Variants in CADM2 observed in about 807,000 individuals in gnomAD.
CADM2 encodes the protein cell adhesion molecule 2, also known as immunoglobulin superfamily member 4D.
In CADM2, 12 loss-of-function variants were observed where a neutral mutation model predicts 49.8. That is an observed-to-expected ratio of 0.24 (90% CI 0.15 to 0.39). The LOEUF is 0.39. CADM2 is among the 10% of genes least tolerant of loss of function. CADM2 has a pLI of 1.00. For synonymous variants in CADM2, 214 were observed against 175.4 expected (o/e 1.22, Z -1.74); for missense variants, 378 against 492.3 (o/e 0.77, Z 2.20).
At chr3:85,076,303 TTGTGTGTG>T (rs71108205) in intron 1 of CADM2, among the ~76,000 whole-genome samples, 71 of 139,354 alleles carry the variant, frequency 5.1e-4, no homozygotes, top group Middle Eastern at 3.6e-3. Flanking sequence ...AAAAAAGAAA[TTGTGTGTG>T]TGTGTGTGTG....
At chr3:85,590,818 A>C (rs2063085825) in intron 1 of CADM2, among the ~76,000 whole-genome samples, 1 of 152,024 alleles carries the variant, frequency 6.6e-6, no homozygotes, top group African/African-American at 2.4e-5. Flanking sequence ...AATAATGTTA[A>C]TAGAAATATC....
chr3:86,026,801 T>C (rs1015581432), intron 8 of CADM2, among the ~76,000 whole-genome samples: 1 of 152,222 alleles, frequency 6.6e-6, no homozygotes, highest in Non-Finnish European at 1.5e-5. Context: ...AGATGATTAC[T>C]TTATCCCCAG....
chr3:85,961,030 CAT>C (rs1209307051), intron 7 of CADM2, among the ~76,000 whole-genome samples: 6 of 145,566 alleles, frequency 4.1e-5, no homozygotes, highest in African/African-American at 1.2e-4. Context: ...TATTTATACT[CAT>C]ATTTTATATA....
intron 1 of CADM2, among the ~76,000 whole-genome samples, chr3:84,968,036 T>C (rs910571925): frequency 2.6e-5 from 4 of 152,118 alleles, no homozygotes; most frequent in African/African-American, 9.6e-5. Flanking sequence ...AAATCAGTTC[T>C]CATACTTAAC....
At chr3:85,760,053 G>A (rs2069299563) in intron 2 of CADM2, among the ~76,000 whole-genome samples, 1 of 151,996 alleles carries the variant, frequency 6.6e-6, no homozygotes, top group Admixed American at 6.6e-5. Flanking sequence ...GTATTAGAAG[G>A]ACCTTTTGTG....
At chr3:85,265,201 G>A (rs2043096244) in intron 1 of CADM2, among the ~76,000 whole-genome samples, 2 of 151,888 alleles carry the variant, frequency 1.3e-5, no homozygotes, top group African/African-American at 4.8e-5. Flanking sequence ...CTTTAGATCT[G>A]TTGCTTTATT....
At chr3:85,449,052 A>AAAAAATAATAAT (rs71617939) in intron 1 of CADM2, among the ~76,000 whole-genome samples, 5,385 of 107,292 alleles carry the variant, frequency 0.05, 177 homozygotes, top group Non-Finnish European at 0.076. Flanking sequence ...TCCAACTCAA[A>AAAAAATAATAAT]AATAATAATA....
chr3:85,988,585 T>C (rs1455005826), intron 8 of CADM2, among the ~76,000 whole-genome samples: 1 of 152,148 alleles, frequency 6.6e-6, no homozygotes, highest in Non-Finnish European at 1.5e-5. Context: ...AACGTGTAGC[T>C]GTGTCACAGT....
chr3:85,855,670 A>G (rs1458981629), intron 3 of CADM2, among the ~76,000 whole-genome samples: 2 of 148,620 alleles, frequency 1.3e-5, no homozygotes, highest in South Asian at 2.1e-4. Context: ...ACTGTTGCCT[A>G]GGCTGGAGTG....
At position 85,898,955 on chromosome 3, in the gene CADM2, A is replaced by ATTTTTTTTTTTTTTT. The variant is rs35857247; in HGVS notation, c.529+12642_529+12656dup. The stretch of plus-strand genomic sequence containing the variant: ...TTATTGTGTATATATATATATATAT[A>ATTTTTTTTTTTTTTT]TTTTTTTTTTTTTTTTTTTTTTTTT... On this transcript the variant is annotated intron_variant, in intron 5 of 9. Transcript: ENST00000383699. 8.8e-5 allele frequency among the ~76,000 whole-genome samples: 3 copies of ATTTTTTTTTTTTTTT among 33,908 alleles called. 1 individual carries two copies. Among genetic ancestry groups the ATTTTTTTTTTTTTTT allele is most frequent in the Non-Finnish European group, 1.4e-4 (3 of 20,982 alleles). The allele number at this position is 33,908 out of a possible 152,430, so 22.2% of individuals were successfully genotyped here.
chr3:85,280,342 CT>C (rs538851160), intron 1 of CADM2, among the ~76,000 whole-genome samples: 44 of 149,164 alleles, frequency 2.9e-4, no homozygotes, highest in Non-Finnish European at 4.6e-4. Flanking sequence ...TTTTCCTTAA[CT>C]TTTTTTTTTC....
chr3:85,228,023 G>A (rs1334035171), intron 1 of CADM2, among the ~76,000 whole-genome samples: 1 of 152,100 alleles, frequency 6.6e-6, no homozygotes, highest in African/African-American at 2.4e-5. Context: ...CCCTTTGTGG[G>A]TAACCTGACC....
At chr3:85,761,939 G>T (rs945314448) in intron 2 of CADM2, among the ~76,000 whole-genome samples, 1 of 152,174 alleles carries the variant, frequency 6.6e-6, no homozygotes, top group East Asian at 1.9e-4. Context: ...CTGGCCTGAA[G>T]TGGAATGTGA....
chr3:85,899,264 C>T (rs1011100532), intron 5 of CADM2, among the ~76,000 whole-genome samples: 3 of 151,894 alleles, frequency 2.0e-5, no homozygotes, highest in Admixed American at 2.0e-4. Context: ...CCGCACTCAG[C>T]AATATTACTA....
chr3:85,884,742 TTA>T (rs934975011), intron 4 of CADM2, among the ~76,000 whole-genome samples: 47 of 148,380 alleles, frequency 3.2e-4, no homozygotes, highest in East Asian at 7.8e-4. Flanking sequence ...TTTTTTTTTT[TTA>T]AAACGGAGTC....
intron 1 of CADM2, among the ~76,000 whole-genome samples, chr3:85,345,484 G>T (rs1024951840): frequency 6.6e-6 from 1 of 152,082 alleles, no homozygotes; most frequent in Non-Finnish European, 1.5e-5. Flanking sequence ...AAGATGCAAT[G>T]AGAATATAAA....
intron 7 of CADM2, among the ~76,000 whole-genome samples, chr3:85,944,292 A>G (rs1722358577): frequency 6.6e-6 from 1 of 152,110 alleles, no homozygotes. Context: ...GAGACCTGCA[A>G]AGAGACTTAG....
At chr3:85,327,666 A>T (rs904136187) in intron 1 of CADM2, among the ~76,000 whole-genome samples, 1 of 152,052 alleles carries the variant, frequency 6.6e-6, no homozygotes, top group Admixed American at 6.6e-5. Context: ...TATAGGCTAA[A>T]TTTAAATACA....
intron 7 of CADM2, among the ~76,000 whole-genome samples, chr3:85,948,431 G>A (rs1424991521): frequency 6.6e-6 from 1 of 151,162 alleles, no homozygotes; most frequent in African/African-American, 2.4e-5. Flanking sequence ...TATACCAGCT[G>A]TTAAATATCT....
Sources: gnomAD v4.1 joint callset for allele counts (sites outside exome capture counted in the v4.1 genomes callset) on GRCh38, gnomAD v4.1.1 for gene constraint, MANE v1.5 for transcripts, NCBI Gene and HGNC (gene_info 2026-07-23, HGNC 2026-07-21) for gene names.